CELSR3: variants seen among roughly 807,000 people sequenced by gnomAD.
CELSR3 encodes cadherin EGF LAG seven-pass G-type receptor 3.
CELSR3 carries 73 observed loss-of-function variants against 270.0 expected under a neutral mutation model. The ratio of observed to expected loss-of-function variants is 0.27; its 90% CI spans 0.22 to 0.33. CELSR3 has a LOEUF of 0.33. Ranked by LOEUF, CELSR3 falls within the 10% of genes least tolerant of loss-of-function variation. The probability of loss-of-function intolerance (pLI) is 1.00; values close to 1 mark genes in which losing one functional copy is unlikely to be tolerated. For missense variants in CELSR3, 3,614 were observed against 4,533.8 expected, an observed-to-expected ratio of 0.80 and a Z score of 5.83; for synonymous variants, 1,780 against 1,905.4, an observed-to-expected ratio of 0.93 and a Z score of 1.71.
chr3:48,651,997 TG>T lies in CELSR3; in HGVS notation c.5802del (p.Ser1935AlafsTer4), dbSNP rs1205203585. ...CCAGGCTCCGCATTCACTCGGTGGC[TG>T]GGGGGTAGCAGGGCCGGGGAGCCAG... ...TPSGSPALLP[P>X]SHRVNAEPGC... On this transcript the variant is annotated frameshift_variant, in exon 12 of 35. Transcript: ENST00000164024. LOFTEE classifies it high-confidence loss of function. This position sits in a 1 kb window ranked among gnomAD's most constrained non-coding sequence, Gnocchi z 7.4. The T allele has an allele frequency of 3.1e-6, 5 of 1,587,726 alleles. No individual in the cohort carries two copies. Among genetic ancestry groups the T allele is most frequent in the Non-Finnish European group, 3.4e-6 (4 of 1,169,918 alleles).
Position 48,646,173 on chromosome 3 carries a change from C to T in CELSR3, c.7380G>A (p.Glu2460=). ...HGRNFLRGIL[E]SPISLEFRLL... Reference sequence around the variant, plus strand: ...GGCGAAACTCTAGGCTGATGGGGGACTCCAGGATTCCCCTTAGGAAGTTGC... The same window carrying T: ...GGCGAAACTCTAGGCTGATGGGGGATTCCAGGATTCCCCTTAGGAAGTTGC... The change falls in exon 22 of 35, where the codon GAG becomes GAA. Residue 2460 remains glutamate, a synonymous_variant. Coordinates refer to ENST00000164024, the MANE Select transcript of CELSR3 (RefSeq NM_001407.3). This position sits in a 1 kb window ranked among gnomAD's most constrained non-coding sequence, Gnocchi z 4.8. The T allele has an allele frequency of 6.2e-7, 1 of 1,612,842 alleles. No homozygotes were observed. Among genetic ancestry groups the T allele is most frequent in the Non-Finnish European group, 8.5e-7 (1 of 1,179,916 alleles).
chr3:48,642,091 G>A lies in CELSR3; in HGVS notation c.8666-82C>T, dbSNP rs1453790350. 1.5e-6 allele frequency: 2 copies of A among 1,341,638 alleles called. No homozygotes were observed. Among genetic ancestry groups the A allele is most frequent in the Non-Finnish European group, 2.0e-6 (2 of 992,668 alleles). The allele number at this position is 1,341,638 out of a possible 1,614,324, so 83.1% of individuals were successfully genotyped here. A position where few individuals can be genotyped will look rare whatever the true frequency, so the allele number is the denominator to read the frequency against. ...ATTTGGAGTTGAGGGTCTAGAGGTG[G>A]GTACGGCAAGGGGGTTAGGGTTGGG... On this transcript the variant is annotated intron_variant, in intron 31 of 34. Transcript: ENST00000164024. The surrounding 1 kb of genome is among the most constrained non-coding windows in gnomAD (Gnocchi z 6.1).
chr3:48,648,623 TC>T (rs970384741), intron 18 of CELSR3, 95 bp downstream of exon 18: 2 of 1,464,674 alleles, frequency 1.4e-6, no homozygotes, highest in African/African-American at 2.8e-5. Flanking sequence ...GACCTTCACT[TC>T]CCAAGAGAAC....
At chr3:48,648,214 G>T in intron 19 of CELSR3, 52 bp downstream of exon 19, 2 of 1,573,462 alleles carry the variant, frequency 1.3e-6, no homozygotes, top group South Asian at 1.1e-5. Flanking sequence ...TCAGGTACCT[G>T]CCCTTTCATG....
At position 48,642,685 on chromosome 3, in the gene CELSR3, T is replaced by TG. The variant is rs1575538485; in HGVS notation, c.8555+50dup. 2 of 1,576,326 alleles carry TG rather than the reference T, an allele frequency of 1.3e-6. No homozygotes were observed. Among genetic ancestry groups the TG allele is most frequent in the Non-Finnish European group, 8.6e-7 (1 of 1,164,490 alleles). On this transcript the variant is annotated intron_variant, in intron 30 of 34. Transcript: ENST00000164024. The surrounding 1 kb of genome is among the most constrained non-coding windows in gnomAD (Gnocchi z 6.1). ...CCTGGTCAGCCAAGCCCTGGTAAGG[T>TG]GGGGCTGGACTAAGCTGAGTGTTCC...
chr3:48,640,601 G>C lies in CELSR3; in HGVS notation c.9026-42C>G. The C allele has an allele frequency of 6.7e-7, 1 of 1,491,748 alleles. No homozygotes were observed. The highest frequency in any genetic ancestry group is 2.4e-4 in the Middle Eastern group (1 of 4,102). The allele number at this position is 1,491,748 out of a possible 1,614,324, so 92.4% of individuals were successfully genotyped here. ...ATGGGGGGCAGGGTTTGTGTGGGAGGGGGAGGGCAGGCAGGAATTGCTGAG... is the reference window on the plus strand; with the variant it reads ...ATGGGGGGCAGGGTTTGTGTGGGAGCGGGAGGGCAGGCAGGAATTGCTGAG... On this transcript the variant is annotated intron_variant, in intron 33 of 34. Coordinates refer to ENST00000164024, the MANE Select transcript of CELSR3 (RefSeq NM_001407.3). This position sits in a 1 kb window ranked among gnomAD's most constrained non-coding sequence, Gnocchi z 7.5.
chr3:48,642,559 G>A lies in CELSR3; in HGVS notation c.8556-92C>T. The A allele has an allele frequency of 6.9e-7, 1 of 1,451,078 alleles. No individual in the cohort carries two copies. The highest frequency in any genetic ancestry group is 9.4e-7 in the Non-Finnish European group (1 of 1,067,078). The allele number at this position is 1,451,078 out of a possible 1,614,324, so 89.9% of individuals were successfully genotyped here. Reference sequence around the variant, plus strand: ...TCTTTGAGTGCACAGCCAGCTGCGGGTGGAATGGCATCCCTGGGTGTGTGT... The same window carrying A: ...TCTTTGAGTGCACAGCCAGCTGCGGATGGAATGGCATCCCTGGGTGTGTGT... On this transcript the variant is annotated intron_variant, in intron 30 of 34. Coordinates refer to ENST00000164024, the MANE Select transcript of CELSR3 (RefSeq NM_001407.3). This position sits in a 1 kb window ranked among gnomAD's most constrained non-coding sequence, Gnocchi z 6.1.
At chr3:48,638,500 T>C (rs1575536469) in intron 34 of CELSR3, among the ~76,000 whole-genome samples, 1 of 152,176 alleles carries the variant, frequency 6.6e-6, no homozygotes, top group East Asian at 1.9e-4. Flanking sequence ...TATTGAGCAC[T>C]TGACAGATAT....
intron 28 of CELSR3, 41 bp downstream of exon 28, chr3:48,643,513 G>T (rs1261572503): frequency 7.1e-6 from 11 of 1,541,408 alleles, no homozygotes; most frequent in Non-Finnish European, 9.6e-6. Flanking sequence ...CCTACTGAAG[G>T]CCCACCTGGT....
chr3:48,648,945 A>G lies in CELSR3; in HGVS notation c.6568-17T>C, dbSNP rs1459698206. 1 of 1,612,120 alleles carries G rather than the reference A, an allele frequency of 6.2e-7. No homozygotes were observed. The highest frequency in any genetic ancestry group is 8.5e-7 in the Non-Finnish European group (1 of 1,179,538). ...GCCATCCAGCTGCCAAGACAAGGAG[A>G]TGGTTGCTCTGTGGTCCCTTAGGCC... On this transcript the variant is annotated splice_polypyrimidine_tract_variant and intron_variant, in intron 17 of 34. Transcript: ENST00000164024.
chr3:48,649,491 C>T (rs1319250823), intron 16 of CELSR3, among the ~76,000 whole-genome samples: 1 of 152,212 alleles, frequency 6.6e-6, no homozygotes, highest in Non-Finnish European at 1.5e-5. Flanking sequence ...CCAGGACTGG[C>T]TCATAGATGT....
rs373519763 is a variant in CELSR3 at position 48,662,552 on chromosome 3, G to C, written c.83C>G (p.Pro28Arg). The C allele has an allele frequency of 1.9e-6, 3 of 1,587,478 alleles. No individual in the cohort carries two copies. Among genetic ancestry groups the C allele is most frequent in the South Asian group, 1.1e-5 (1 of 88,622 alleles). Residue 28 changes from proline (P) to arginine (R), a missense_variant, in exon 1 of 35, where the codon CCC (proline) becomes CGC (arginine). Transcript: ENST00000164024. This position sits in a 1 kb window ranked among gnomAD's most constrained non-coding sequence, Gnocchi z 7.1. Reference protein sequence around the residue: ...ILLLLLLSLFPLSQEELGGGG... With the variant: ...ILLLLLLSLFRLSQEELGGGG... ...GCCCCCCAGCTCCTCCTGGCTGAGG[G>C]GGAACAAAGAGAGGAGAAGGAGCAG...
At chr3:48,649,360 G>A (rs565774397) in intron 16 of CELSR3, 145 bp from the exon 17 acceptor site, 18 of 698,750 alleles carry the variant, frequency 2.6e-5, no homozygotes, top group Admixed American at 8.1e-5. Flanking sequence ...TGGAGGTAGC[G>A]GCCCAAGCCC....
rs2077067657 is a variant in CELSR3, at chr3:48,661,742, A to G, written c.893T>C (p.Leu298Pro). 6.3e-7 allele frequency: 1 copy of G among 1,583,008 alleles called. No individual in the cohort carries two copies. The stretch of plus-strand genomic sequence containing the variant: ...TTTCCTGGCTTCAGGACGGGCCGGG[A>G]GTCCCGGGGGACGCGGCCCGGGGCG... ...PQRPGPRPPG[L>P]PARPEARKVT... Residue 298 changes from leucine to proline, a missense_variant, in exon 1 of 35, where the codon CTC (leucine) becomes CCC (proline). Leu to Pro is a moderately conservative substitution (Grantham distance 98, BLOSUM62 -3). Around this residue, in one of 7 missense-constraint regions of CELSR3, gnomAD observed 470 missense variants for 469.7 expected, o/e 1.00. Transcript: ENST00000164024.
chr3:48,661,519 C>G lies in CELSR3; in HGVS notation c.1116G>C (p.Ser372=), dbSNP rs747256518. Residue 372 remains serine, a synonymous_variant, in exon 1 of 35, where the codon TCG becomes TCC. Coordinates refer to ENST00000164024, the MANE Select transcript of CELSR3 (RefSeq NM_001407.3). ...GCGGGTCGATGCTGAACAGCTCCAG[C>G]GAGCGGCTGTTCATGAGTGCCGCCA... ...YSLAALMNSR[S]LELFSIDPQS... is the part of the protein sequence containing the mutation. 1.1e-5 allele frequency: 18 copies of G among 1,603,780 alleles called. No homozygotes were observed. The South Asian group carries it at 1.4e-4, about 13-fold the overall frequency.
chr3:48,642,522 G>A lies in CELSR3; in HGVS notation c.8556-55C>T. On this transcript the variant is annotated intron_variant, in intron 30 of 34. Transcript: ENST00000164024. The surrounding 1 kb of genome is among the most constrained non-coding windows in gnomAD (Gnocchi z 6.1). ...AAGAGGGATGTGATGGGGTGCCTTG[G>A]AGGCTGGAGTGTCTTTGAGTGCACA... The A allele has an allele frequency of 2.6e-6, 4 of 1,565,426 alleles. No homozygotes were observed. Among genetic ancestry groups the A allele is most frequent in the Non-Finnish European group, 2.6e-6 (3 of 1,149,852 alleles).
At chr3:48,656,397 C>A in intron 2 of CELSR3, 32 bp from the exon 3 acceptor site, 1 of 1,388,300 alleles carries the variant, frequency 7.2e-7, no homozygotes, top group African/African-American at 1.5e-5. Flanking sequence ...GAGGCGGTCA[C>A]GCCCACGCCC....
chr3:48,641,426 C>A lies in CELSR3; in HGVS notation c.8923G>T (p.Gly2975Trp). The A allele has an allele frequency of 6.2e-7, 1 of 1,612,584 alleles. No homozygotes were observed. Among genetic ancestry groups the A allele is most frequent in the Non-Finnish European group, 8.5e-7 (1 of 1,179,794 alleles). The change falls in exon 33 of 35, where the codon GGG becomes TGG. Residue 2975 changes from glycine to tryptophan, a missense_variant. Transcript: ENST00000164024. The surrounding 1 kb of genome is among the most constrained non-coding windows in gnomAD (Gnocchi z 4.8). ...GCTGCATCCTTGCTGGTGTCCAGCC[C>A]CAGGCGCCTTTCAGAGCCCCAAGTC... ...LQTWGSERRL[G>W]LDTSKDAANN...
In CELSR3 at chr3:48,645,292, A is replaced by C. The variant is rs532169103; in HGVS notation, c.7798-83T>G. ...CCCAGGCATCTGCTTCCCACCTCTC[A>C]CCCCTAAACCACAATATCTTACCCC... On this transcript the variant is annotated intron_variant, in intron 24 of 34. Transcript: ENST00000164024. The surrounding 1 kb of genome is among the most constrained non-coding windows in gnomAD (Gnocchi z 5.4). The C allele has an allele frequency of 2.2e-5, 33 of 1,524,376 alleles. 1 individual carries two copies. In the South Asian group the frequency reaches 2.9e-4, roughly 14 times the overall value. The allele number at this position is 1,524,376 out of a possible 1,614,324, so 94.4% of individuals were successfully genotyped here. A position where few individuals can be genotyped will look rare whatever the true frequency, so the allele number is the denominator to read the frequency against.
Sources: gnomAD v4.1 joint callset for allele counts (sites outside exome capture counted in the v4.1 genomes callset) on GRCh38, gnomAD v4.1.1 for gene constraint, gnomAD v4.1.1 regional missense constraint, Gnocchi (gnomAD v3.1) non-coding constraint, MANE v1.5 for transcripts, NCBI Gene and HGNC (gene_info 2026-07-23, HGNC 2026-07-21) for gene names.